Variants in PLAAT5 observed in about 807,000 individuals in gnomAD.
PLAAT5 encodes the protein phospholipase A and acyltransferase 5.
In PLAAT5, 27 loss-of-function variants were observed where a neutral mutation model predicts 27.8. That is an observed-to-expected ratio of 0.97 (90% CI 0.72 to 1.34). The LOEUF is 1.34. PLAAT5 is among the 40% of genes most tolerant of loss of function. PLAAT5 has a pLI of 0.00. For synonymous variants in PLAAT5, 125 were observed against 136.1 expected (o/e 0.92, Z 0.57); for missense variants, 368 against 343.8 (o/e 1.07, Z -0.56).
At chr11:63,469,148 G>C (rs2120234763) in intron 3 of PLAAT5, among the ~76,000 whole-genome samples, 1 of 148,482 alleles carries the variant, frequency 6.7e-6, no homozygotes, top group African/African-American at 2.5e-5. Flanking sequence ...GTGTGTGTGA[G>C]AGAGAGAGAG....
chr11:63,463,671 T>C (rs2015779302), intron 5 of PLAAT5, 76 bp from the exon 6 acceptor site: 4 of 1,113,198 alleles, frequency 3.6e-6, no homozygotes, highest in Non-Finnish European at 4.1e-6. Flanking sequence ...CACCCCACCA[T>C]ACCCATTCAG....
chr11:63,483,795 A>ATATG (rs1402505227), intron 3 of PLAAT5, among the ~76,000 whole-genome samples: 7 of 58,532 alleles, frequency 1.2e-4, no homozygotes, highest in African/African-American at 2.4e-4. Flanking sequence ...ATATATATAT[A>ATATG]TATATGTATA....
chr11:63,490,610 G>A (rs1401028604), intron 1 of PLAAT5: 10 of 613,158 alleles, frequency 1.6e-5, no homozygotes, highest in Non-Finnish European at 2.3e-5. Context: ...CCCGATGGGA[G>A]GAACCTCTGC....
At chr11:63,490,373 G>GA in intron 1 of PLAAT5, 40 bp from the exon 2 acceptor site, 7 of 1,613,832 alleles carry the variant, frequency 4.3e-6, no homozygotes, top group Non-Finnish European at 5.9e-6. Flanking sequence ...CCTGTGAAAG[G>GA]AGAGTTCGAG....
chr11:63,474,927 G>A (rs149832940), intron 3 of PLAAT5, among the ~76,000 whole-genome samples: 16 of 152,016 alleles, frequency 1.1e-4, no homozygotes, highest in Non-Finnish European at 1.9e-4. Flanking sequence ...TTATTTAGAT[G>A]TATGTTGCTT....
intron 3 of PLAAT5, among the ~76,000 whole-genome samples, chr11:63,479,953 T>C (rs956860481): frequency 2.0e-5 from 3 of 152,184 alleles, no homozygotes; most frequent in Non-Finnish European, 4.4e-5. Flanking sequence ...ACTCTTGAAC[T>C]AACCCCTGAT....
chr11:63,476,477 G>A (rs572564778), intron 3 of PLAAT5, among the ~76,000 whole-genome samples: 81 of 152,058 alleles, frequency 5.3e-4, no homozygotes, highest in African/African-American at 1.9e-3. Context: ...TACATTACTG[G>A]ATACAAAATT....
At chr11:63,487,294 T>C (rs952593626) in intron 3 of PLAAT5, among the ~76,000 whole-genome samples, 21 of 152,130 alleles carry the variant, frequency 1.4e-4, no homozygotes, top group African/African-American at 4.8e-4. Context: ...TCACCAAAGA[T>C]TATATATATG....
At chr11:63,477,240 C>G (rs978962049) in intron 3 of PLAAT5, among the ~76,000 whole-genome samples, 1 of 152,120 alleles carries the variant, frequency 6.6e-6, no homozygotes, top group African/African-American at 2.4e-5. Flanking sequence ...TCCCTCTTTC[C>G]TGTTTCTTTG....
chr11:63,487,646 C>T (rs1456256561), intron 3 of PLAAT5, among the ~76,000 whole-genome samples: 1 of 152,020 alleles, frequency 6.6e-6, no homozygotes, highest in Non-Finnish European at 1.5e-5. Context: ...CATATTCACC[C>T]AAGAGGAAAA....
chr11:63,475,956 G>A (rs1005985052), intron 3 of PLAAT5, among the ~76,000 whole-genome samples: 27 of 151,886 alleles, frequency 1.8e-4, no homozygotes, highest in African/African-American at 3.4e-4. Flanking sequence ...GTTATAAACC[G>A]AAGACAGTGT....
chr11:63,461,925 A>G lies in PLAAT5; in HGVS notation c.*1578T>C, dbSNP rs936202022. 8 of 152,182 alleles carry G rather than the reference A, an allele frequency of 5.3e-5. No homozygotes were observed. The highest frequency in any genetic ancestry group is 7.2e-5 in the African/African-American group (3 of 41,448). The allele number at this position is 152,182 out of a possible 1,614,324, so 9.4% of individuals were successfully genotyped here. A position where few individuals can be genotyped will look rare whatever the true frequency, so the allele number is the denominator to read the frequency against. ...AAACTTTCTAGAGAGTCTCTGTCCC[A>G]TTGGGTTCAAGCCAGTAAAAAGCCA... On this transcript the variant is annotated 3_prime_UTR_variant, in exon 6 of 6. Coordinates refer to ENST00000540857, the MANE Select transcript of PLAAT5 (RefSeq NM_001146729.2).
At chr11:63,470,884 TG>T (rs1330497406) in intron 3 of PLAAT5, 3 of 152,162 alleles carry the variant, frequency 2.0e-5, no homozygotes, top group African/African-American at 7.2e-5. Flanking sequence ...GCCTTTAAAG[TG>T]AATAAGAGTA....
chr11:63,490,585 C>T (rs1355605545), intron 1 of PLAAT5: 2 of 636,028 alleles, frequency 3.1e-6, no homozygotes, highest in Non-Finnish European at 5.4e-6. Flanking sequence ...AAGGGCGCCT[C>T]GCCTCTATCC....
At chr11:63,468,533 AG>A in intron 3 of PLAAT5, 68 bp from the exon 4 acceptor site, 1 of 1,177,364 alleles carries the variant, frequency 8.5e-7, no homozygotes, top group Non-Finnish European at 1.2e-6. Context: ...TTTTAGGATC[AG>A]GGACAGCTCA....
chr11:63,472,364 G>A (rs1460343274), intron 3 of PLAAT5, among the ~76,000 whole-genome samples: 3 of 152,142 alleles, frequency 2.0e-5, no homozygotes, highest in Non-Finnish European at 2.9e-5. Flanking sequence ...TGCAGCATGC[G>A]TCAGTTACTC....
intron 3 of PLAAT5, among the ~76,000 whole-genome samples, chr11:63,478,598 C>T (rs2016209645): frequency 6.6e-6 from 1 of 152,212 alleles, no homozygotes; most frequent in Admixed American, 6.5e-5. Context: ...CAGGCGTGAG[C>T]CCACGCCCGA....
chr11:63,468,880 G>A (rs565604607), intron 3 of PLAAT5, among the ~76,000 whole-genome samples: 1 of 152,138 alleles, frequency 6.6e-6, no homozygotes, highest in Non-Finnish European at 1.5e-5. Flanking sequence ...TGGGCAGGAT[G>A]ATGGTCAGTA....
At chr11:63,487,972 C>T (rs985888647) in intron 3 of PLAAT5, among the ~76,000 whole-genome samples, 11 of 152,244 alleles carry the variant, frequency 7.2e-5, no homozygotes, top group Non-Finnish European at 1.5e-5. Context: ...AGTGAAACCC[C>T]GTCTCTACCA....
Sources: gnomAD v4.1 joint callset for allele counts (sites outside exome capture counted in the v4.1 genomes callset) on GRCh38, gnomAD v4.1.1 for gene constraint, MANE v1.5 for transcripts, NCBI Gene and HGNC (gene_info 2026-07-23, HGNC 2026-07-21) for gene names.